The following PPFIBP1 variants were observed in gnomAD, a reference collection of about 807,000 sequenced individuals.
PPFIBP1 encodes the protein PPFIB scaffold protein 1.
PPFIBP1 carries 112 observed loss-of-function variants against 137.8 expected under a neutral mutation model. That is an observed-to-expected ratio of 0.81 (90% confidence interval 0.70 to 0.95). The LOEUF (loss-of-function observed/expected upper bound fraction) is 0.95. Among genes scored for constraint, PPFIBP1 ranks in the 40% least tolerant of loss-of-function variants. PPFIBP1 has a pLI of 0.00. For missense variants in PPFIBP1, 1,083 were observed against 1,196.6 expected (o/e 0.91, Z 1.40); for synonymous variants, 378 against 417.3 (o/e 0.91, Z 1.15).
At chr12:27,648,007 C>T in intron 6 of PPFIBP1, 165 bp downstream of exon 6, 2 of 764,116 alleles carry the variant, frequency 2.6e-6, no homozygotes, top group Middle Eastern at 4.2e-4. Context: ...AAAACACATG[C>T]ACACAATATA....
In PPFIBP1 at chr12:27,681,527, A is replaced by T. The variant is rs1016616430; in HGVS notation, c.1896-19A>T. ...TTGGCTTTGGATTATTTTTCATGCAATTACTCATTTTCCTGTAGTGACTTG... is the reference window on the plus strand; with the variant it reads ...TTGGCTTTGGATTATTTTTCATGCATTTACTCATTTTCCTGTAGTGACTTG... On this transcript the variant is annotated intron_variant, in intron 21 of 29. Transcript: ENST00000228425. 9.9e-6 allele frequency: 16 copies of T among 1,610,626 alleles called. No homozygotes were observed. The highest frequency in any genetic ancestry group is 1.4e-5 in the Non-Finnish European group (16 of 1,177,212).
At chr12:27,528,545 A>G (rs901668767) in intron 1 of PPFIBP1, among the ~76,000 whole-genome samples, 2 of 152,226 alleles carry the variant, frequency 1.3e-5, no homozygotes, top group African/African-American at 4.8e-5. Context: ...ATAAATTTAA[A>G]ACTAAACTGA....
intron 1 of PPFIBP1, among the ~76,000 whole-genome samples, chr12:27,560,167 C>T (rs184142639): frequency 6.8e-4 from 104 of 152,252 alleles, no homozygotes; most frequent in African/African-American, 2.2e-3. Context: ...CAAGGTTTTC[C>T]CCTGTGTTCC....
chr12:27,637,564 A>G (rs1383680396), intron 4 of PPFIBP1, among the ~76,000 whole-genome samples: 2 of 152,198 alleles, frequency 1.3e-5, no homozygotes, highest in African/African-American at 2.4e-5. Context: ...TTATCCATCT[A>G]ACTTATCTAT....
intron 2 of PPFIBP1, among the ~76,000 whole-genome samples, chr12:27,632,165 A>AAAT (rs1381294100): frequency 6.6e-6 from 1 of 152,224 alleles, no homozygotes; most frequent in Non-Finnish European, 1.5e-5. Flanking sequence ...CTTTAAATCA[A>AAAT]AATAATATTT....
chr12:27,654,144 T>C (rs1239570844), intron 7 of PPFIBP1, among the ~76,000 whole-genome samples: 1 of 152,226 alleles, frequency 6.6e-6, no homozygotes, highest in African/African-American at 2.4e-5. Flanking sequence ...TTAATAAAAA[T>C]AAAACATTTC....
At chr12:27,682,325 C>T (rs2060924349) in intron 22 of PPFIBP1, 62 bp from the exon 23 acceptor site, 2 of 1,149,158 alleles carry the variant, frequency 1.7e-6, no homozygotes, top group Non-Finnish European at 2.6e-6. Context: ...AAATTTGCAT[C>T]CTTTGCCAGT....
At chr12:27,587,679 CT>C (rs1189342010) in intron 2 of PPFIBP1, among the ~76,000 whole-genome samples, 1 of 145,664 alleles carries the variant, frequency 6.9e-6, no homozygotes, top group African/African-American at 2.5e-5. Flanking sequence ...AGATTTAATA[CT>C]TTAATAGAGA....
intron 1 of PPFIBP1, among the ~76,000 whole-genome samples, chr12:27,540,059 T>A (rs1426157484): frequency 6.9e-6 from 1 of 145,762 alleles, no homozygotes; most frequent in Non-Finnish European, 1.5e-5. Context: ...TATAGCCTAT[T>A]TTCAATTTTT....
chr12:27,532,526 A>C (rs1944526245), intron 1 of PPFIBP1, among the ~76,000 whole-genome samples: 1 of 152,042 alleles, frequency 6.6e-6, no homozygotes, highest in Non-Finnish European at 1.5e-5. Flanking sequence ...AATATGTTAA[A>C]ATTTTAAACA....
chr12:27,630,501 CTTTATA>C (rs1356406976), intron 2 of PPFIBP1, among the ~76,000 whole-genome samples: 1 of 152,016 alleles, frequency 6.6e-6, no homozygotes, highest in African/African-American at 2.4e-5. Context: ...TATTATATTT[CTTTATA>C]TTTAAAGTCT....
At chr12:27,614,523 G>C (rs2055531244) in intron 2 of PPFIBP1, among the ~76,000 whole-genome samples, 1 of 152,168 alleles carries the variant, frequency 6.6e-6, no homozygotes, top group Non-Finnish European at 1.5e-5. Context: ...AAGGAGTCCT[G>C]GAGTATGTTC....
At chr12:27,534,147 A>G (rs73306341) in intron 1 of PPFIBP1, among the ~76,000 whole-genome samples, 25,677 of 152,130 alleles carry the variant, frequency 0.17, 2,416 homozygotes, top group Middle Eastern at 0.26. Flanking sequence ...TTAAAAGAAG[A>G]AAAAGGGAGG....
chr12:27,665,257 C>T (rs578153162), intron 12 of PPFIBP1, among the ~76,000 whole-genome samples: 7 of 152,016 alleles, frequency 4.6e-5, no homozygotes, highest in Non-Finnish European at 8.8e-5. Flanking sequence ...TATTGAGAGC[C>T]GCAGAAACCA....
chr12:27,673,870 G>GA lies in PPFIBP1; in HGVS notation c.1380+49dup, dbSNP rs780320023. On this transcript the variant is annotated intron_variant, in intron 16 of 29. Coordinates refer to ENST00000228425, the MANE Select transcript of PPFIBP1 (RefSeq NM_003622.4). ...TGTTTTTTTTTGTCTGTTATCCTGA[G>GA]AAAAAACTATTTAGGGATCTTCATC... 7 of 1,492,252 alleles carry GA rather than the reference G, an allele frequency of 4.7e-6. No homozygotes were observed. The East Asian group carries it at 9.0e-5, about 19-fold the overall frequency. The allele number at this position is 1,492,252 out of a possible 1,614,324, so 92.4% of individuals were successfully genotyped here. A position where few individuals can be genotyped will look rare whatever the true frequency, so the allele number is the denominator to read the frequency against.
intron 2 of PPFIBP1, among the ~76,000 whole-genome samples, chr12:27,590,698 A>G (rs1367080488): frequency 1.3e-5 from 2 of 152,194 alleles, no homozygotes; most frequent in Non-Finnish European, 2.9e-5. Flanking sequence ...TTCTTTAAGG[A>G]TGAGTTTCCC....
chr12:27,560,246 T>C (rs770510609), intron 1 of PPFIBP1, among the ~76,000 whole-genome samples: 43 of 152,158 alleles, frequency 2.8e-4, no homozygotes, highest in Non-Finnish European at 5.6e-4. Flanking sequence ...GACTAAAAAT[T>C]TGGGAGGAAT....
chr12:27,544,668 A>G (rs1946038713), intron 1 of PPFIBP1, among the ~76,000 whole-genome samples: 1 of 152,236 alleles, frequency 6.6e-6, no homozygotes, highest in African/African-American at 2.4e-5. Context: ...TCATTAGAGA[A>G]ATGCAAATGA....
At chr12:27,672,584 C>A in intron 15 of PPFIBP1, 101 bp downstream of exon 15, 1 of 889,584 alleles carries the variant, frequency 1.1e-6, no homozygotes. Context: ...ATGACCGAGG[C>A]TGTTAAATTA....
Sources: allele counts gnomAD v4.1 joint callset (sites outside exome capture counted in the v4.1 genomes callset), GRCh38; gene constraint gnomAD v4.1.1; transcripts MANE v1.5; gene names NCBI Gene and HGNC (gene_info 2026-07-23, HGNC 2026-07-21).